The following TMTC3 variants were observed in gnomAD, a reference collection of about 807,000 sequenced individuals.
The protein encoded by TMTC3 is protein O-mannosyl-transferase TMTC3.
In TMTC3, 52 loss-of-function variants were observed where a neutral mutation model predicts 92.2. The observed-to-expected ratio is 0.56, with a 90% confidence interval of 0.45 to 0.71. TMTC3 has a LOEUF of 0.71. Among genes scored for constraint, TMTC3 ranks in the 30% least tolerant of loss-of-function variants. The pLI is 0.00. For synonymous variants in TMTC3, 339 were observed against 363.3 expected, an observed-to-expected ratio of 0.93 and a Z score of 0.76; for missense variants, 896 against 1,057.1, an observed-to-expected ratio of 0.85 and a Z score of 2.11.
intron 2 of TMTC3, 68 bp downstream of exon 2, chr12:88,148,572 T>C: frequency 8.5e-7 from 1 of 1,173,010 alleles, no homozygotes; most frequent in Non-Finnish European, 1.2e-6. Flanking sequence ...TTTTATTACT[T>C]CTAATTCTTT....
At chr12:88,176,081 C>G (rs372376471) in intron 9 of TMTC3, 127 bp from the exon 10 acceptor site, 1 of 627,686 alleles carries the variant, frequency 1.6e-6, no homozygotes, top group Non-Finnish European at 2.7e-6. Flanking sequence ...TTATTTGACT[C>G]CTGTGTCATC....
intron 10 of TMTC3, among the ~76,000 whole-genome samples, chr12:88,178,308 T>G (rs2041281221): frequency 6.6e-6 from 1 of 152,196 alleles, no homozygotes; most frequent in Non-Finnish European, 1.5e-5. Flanking sequence ...GTTTAGTTTT[T>G]CTTGGAATGT....
chr12:88,149,636 C>G (rs185067905), intron 2 of TMTC3, among the ~76,000 whole-genome samples: 8 of 152,246 alleles, frequency 5.3e-5, no homozygotes, highest in Non-Finnish European at 1.0e-4. Flanking sequence ...ACATGTAACT[C>G]TCTGCAATGT....
chr12:88,160,589 A>G lies in TMTC3; in HGVS notation c.625-90A>G, dbSNP rs1024806089. 1.1e-5 allele frequency: 12 copies of G among 1,093,894 alleles called. No individual in the cohort carries two copies. In the African/African-American group the frequency reaches 1.4e-4, roughly 13 times the overall value. 67.8% of individuals were successfully genotyped at this position (1,093,894 alleles called of 1,614,324 possible). A position where few individuals can be genotyped will look rare whatever the true frequency, so the allele number is the denominator to read the frequency against. ...ACATTAATTTTATAATTATACTTGT[A>G]TCTAATCTTGCAATTAGAAAGTACT... On this transcript the variant is annotated intron_variant, in intron 5 of 13. Transcript: ENST00000266712.
chr12:88,166,306 T>A (rs760541738), intron 6 of TMTC3, 24 bp from the exon 7 acceptor site: 4 of 1,583,520 alleles, frequency 2.5e-6, no homozygotes, highest in Non-Finnish European at 3.4e-6. Flanking sequence ...TTATTTGTAA[T>A]CTTTTTTTTA....
rs76192167 is a variant in TMTC3, at chr12:88,198,748, A to T, written c.*3099A>T. 2.0e-3 allele frequency: 409 copies of T among 203,312 alleles called. 3 individuals carry two copies. Among genetic ancestry groups the T allele is most frequent in the African/African-American group, 9.1e-3 (396 of 43,678 alleles). 12.6% of individuals were successfully genotyped at this position (203,312 alleles called of 1,614,324 possible). Reference sequence around the variant, plus strand: ...GATGCTTTAATGAAAAGTATTAAGAAAATATATAGATTTGTATGTCAGTTT... The same window carrying T: ...GATGCTTTAATGAAAAGTATTAAGATAATATATAGATTTGTATGTCAGTTT... On this transcript the variant is annotated 3_prime_UTR_variant, in exon 14 of 14. Transcript: ENST00000266712.
intron 11 of TMTC3, among the ~76,000 whole-genome samples, chr12:88,189,805 AG>A (rs2041422614): frequency 6.6e-6 from 1 of 152,156 alleles, no homozygotes; most frequent in African/African-American, 2.4e-5. Flanking sequence ...TATTAAGTTA[AG>A]GTTTTTATAA....
chr12:88,170,483 T>TA (rs1488928627), intron 7 of TMTC3, among the ~76,000 whole-genome samples: 1 of 152,126 alleles, frequency 6.6e-6, no homozygotes, highest in African/African-American at 2.4e-5. Context: ...CTTTTTGATT[T>TA]AAAAAAACTG....
rs1438255067 is a variant in TMTC3, at chr12:88,176,266, A to C, written c.1379A>C (p.Lys460Thr). Residue 460 changes from lysine (K) to threonine (T), a missense_variant, in exon 10 of 14, where the codon AAG becomes ACG. Physicochemically the swap from Lys to Thr is moderately conservative, Grantham distance 78. Coordinates refer to ENST00000266712, the MANE Select transcript of TMTC3 (RefSeq NM_181783.4). ...GTGGGTCATGCTCTGGAAAATGAAA[A>C]GAACTTTGAGAGAGCTTTGAAATAC... is the stretch of plus-strand genomic sequence containing the variant. ...NNVGHALENEKNFERALKYFL... is the reference protein window; with the variant it reads ...NNVGHALENETNFERALKYFL... 1 of 1,612,652 alleles carries C rather than the reference A, an allele frequency of 6.2e-7. No individual in the cohort carries two copies. Among genetic ancestry groups the C allele is most frequent in the Non-Finnish European group, 8.5e-7 (1 of 1,179,244 alleles).
chr12:88,198,061 C>T lies in TMTC3; in HGVS notation c.*2412C>T, dbSNP rs928560181. ...TTTAAATTCCACTAAAGAACATATT[C>T]TTCTAATAACTAGCATTTATTACAT... On this transcript the variant is annotated 3_prime_UTR_variant, in exon 14 of 14. Transcript: ENST00000266712. 11 of 339,246 alleles carry T rather than the reference C, an allele frequency of 3.2e-5. No homozygotes were observed. The highest frequency in any genetic ancestry group is 4.2e-5 in the Non-Finnish European group (8 of 189,234). 21.0% of individuals were successfully genotyped at this position (339,246 alleles called of 1,614,324 possible). A position where few individuals can be genotyped will look rare whatever the true frequency, so the allele number is the denominator to read the frequency against.
Position 88,153,450 on chromosome 12 carries a change from A to G in TMTC3, c.349A>G (p.Asn117Asp). The change falls in exon 3 of 14, where the codon AAC becomes GAC. Residue 117 changes from asparagine to aspartate, a missense_variant. By Grantham distance (23) the Asn-to-Asp change is conservative (BLOSUM62 1). Transcript: ENST00000266712. The stretch of plus-strand genomic sequence containing the variant: ...CAAAGTATGCAAACTTTTTCTGGAC[A>G]ACAAGAGTAGTGTGATTGCTTCTTT... ...FLKVCKLFLD[N>D]KSSVIASLLF... 6.2e-7 allele frequency: 1 copy of G among 1,613,680 alleles called. No homozygotes were observed. Among genetic ancestry groups the G allele is most frequent in the Non-Finnish European group, 8.5e-7 (1 of 1,179,780 alleles).
intron 2 of TMTC3, among the ~76,000 whole-genome samples, chr12:88,149,847 G>A (rs1042609251): frequency 6.6e-6 from 1 of 151,982 alleles, no homozygotes; most frequent in Non-Finnish European, 1.5e-5. Context: ...GATAGTAAGG[G>A]GGAAAATATG....
chr12:88,150,914 TG>T (rs1331376453), intron 2 of TMTC3, among the ~76,000 whole-genome samples: 1 of 152,156 alleles, frequency 6.6e-6, no homozygotes, highest in African/African-American at 2.4e-5. Flanking sequence ...TGGACTCATG[TG>T]AACCTCTCAG....
rs1267068963 is a variant in TMTC3, at chr12:88,148,499, T to G, written c.184T>G (p.Ser62Ala). The G allele has an allele frequency of 1.9e-6, 3 of 1,599,718 alleles. No homozygotes were observed. Among genetic ancestry groups the G allele is most frequent in the Non-Finnish European group, 2.6e-6 (3 of 1,172,762 alleles). The part of the protein sequence containing the change: ...FQNDFWGTPM[S>A]EERSHKSYRP... Reference sequence around the variant, plus strand: ...AAATGACTTCTGGGGAACCCCTATGTCTGAGGTAAGTAATTACTTACATAT... The same window carrying G: ...AAATGACTTCTGGGGAACCCCTATGGCTGAGGTAAGTAATTACTTACATAT... Residue 62 changes from serine to alanine, a missense_variant, in exon 2 of 14, where the codon TCT (serine) becomes GCT (alanine). Transcript: ENST00000266712.
chr12:88,175,055 A>C (rs1191037777), intron 9 of TMTC3, among the ~76,000 whole-genome samples: 1 of 152,148 alleles, frequency 6.6e-6, no homozygotes, highest in Non-Finnish European at 1.5e-5. Flanking sequence ...ATATCTCTGA[A>C]ATCAAATAAG....
At chr12:88,175,447 G>A (rs574638464) in intron 9 of TMTC3, among the ~76,000 whole-genome samples, 142 of 152,064 alleles carry the variant, frequency 9.3e-4, no homozygotes, top group Non-Finnish European at 1.5e-3. Context: ...AGCTTTATTG[G>A]ATTGCTGCTT....
rs965792178 is a variant in TMTC3 at position 88,145,652 on chromosome 12, G to A, written c.-28-2636G>A. Among the ~76,000 whole-genome samples the A allele has an allele frequency of 1.1e-4, 17 of 152,212 alleles. 1 individual carries two copies. Among genetic ancestry groups the A allele is most frequent in the African/African-American group, 4.1e-4 (17 of 41,520 alleles). On this transcript the variant is annotated intron_variant, in intron 1 of 13. Transcript: ENST00000266712. Reference sequence around the variant, plus strand: ...ATTGGAAGAGAAAAAGGGTAGATATGGTAATCTATGTGTTGCAAGAGAAAA... The same window carrying A: ...ATTGGAAGAGAAAAAGGGTAGATATAGTAATCTATGTGTTGCAAGAGAAAA...
chr12:88,166,324 A>C lies in TMTC3; in HGVS notation c.798-6A>C, dbSNP rs761822301. 1.2e-6 allele frequency: 2 copies of C among 1,611,896 alleles called. No individual in the cohort carries two copies. Among genetic ancestry groups the C allele is most frequent in the South Asian group, 2.2e-5 (2 of 90,782 alleles). On this transcript the variant is annotated splice_polypyrimidine_tract_variant and splice_region_variant and intron_variant, in intron 6 of 13. Transcript: ENST00000266712. Reference sequence around the variant, plus strand: ...TTTGTAATCTTTTTTTTAATCCTTTATACAGGTTTGATAACCCAGCTGCTG... The same window carrying C: ...TTTGTAATCTTTTTTTTAATCCTTTCTACAGGTTTGATAACCCAGCTGCTG...
chr12:88,157,948 C>A (rs2041030256), intron 4 of TMTC3, among the ~76,000 whole-genome samples: 1 of 152,120 alleles, frequency 6.6e-6, no homozygotes, highest in South Asian at 2.1e-4. Context: ...TAAAAGGTAA[C>A]CATTTGCTTG....
Sources: gnomAD v4.1 joint callset for allele counts (sites outside exome capture counted in the v4.1 genomes callset) on GRCh38, gnomAD v4.1.1 for gene constraint, MANE v1.5 for transcripts, NCBI Gene and HGNC (gene_info 2026-07-23, HGNC 2026-07-21) for gene names.